ZYG11A: variants seen among roughly 807,000 people sequenced by gnomAD.
The protein encoded by ZYG11A is zyg-11 family member A, cell cycle regulator, also known as protein zyg-11 homolog A.
Under a neutral mutation model 77.2 loss-of-function variants are expected in ZYG11A, and 62 were observed. The observed-to-expected ratio is 0.80, with a 90% CI of 0.65 to 0.99. The LOEUF is 0.99. ZYG11A is among the 50% of genes least tolerant of loss of function. ZYG11A has a pLI of 0.00. For synonymous variants in ZYG11A, 315 were observed against 324.6 expected (o/e 0.97, Z 0.32); for missense variants, 828 against 896.8 (o/e 0.92, Z 0.98).
chr1:52,880,908 A>C (rs1007869610), intron 10 of ZYG11A, among the ~76,000 whole-genome samples: 1 of 152,212 alleles, frequency 6.6e-6, no homozygotes, highest in Non-Finnish European at 1.5e-5. Flanking sequence ...AGTCATGCTG[A>C]GACTCCTGCC....
intron 13 of ZYG11A, among the ~76,000 whole-genome samples, chr1:52,888,273 C>T (rs1646482678): frequency 6.6e-6 from 1 of 152,078 alleles, no homozygotes; most frequent in South Asian, 2.1e-4. Context: ...TAATATAATT[C>T]AACTGAATAG....
intron 5 of ZYG11A, among the ~76,000 whole-genome samples, chr1:52,865,672 C>T (rs1262445910): frequency 1.3e-5 from 2 of 151,852 alleles, no homozygotes; most frequent in African/African-American, 4.8e-5. Flanking sequence ...AGATGAAACT[C>T]AAAAATGTTA....
chr1:52,848,470 A>T (rs1008110349), intron 1 of ZYG11A, among the ~76,000 whole-genome samples: 5 of 152,054 alleles, frequency 3.3e-5, no homozygotes, highest in Non-Finnish European at 7.3e-5. Flanking sequence ...CAGTGGGTTT[A>T]TATCTTGCAT....
In ZYG11A at chr1:52,881,535, T is replaced by C; in HGVS notation, c.1814T>C (p.Ile605Thr). The change falls in exon 11 of 14, where the codon ATC (isoleucine) becomes ACC (threonine). Residue 605 changes from isoleucine to threonine, a missense_variant. Coordinates refer to ENST00000371528, the MANE Select transcript of ZYG11A (RefSeq NM_001004339.3). Reference sequence around the variant, plus strand: ...GTGACCGAAGATGTGCTGAAGCATATCAACAGTTTACTCTGTAGCAGGGAA... The same window carrying C: ...GTGACCGAAGATGTGCTGAAGCATACCAACAGTTTACTCTGTAGCAGGGAA... ...KLVTEDVLKH[I>T]NSLLCSREME... 6.4e-7 allele frequency: 1 copy of C among 1,551,904 alleles called. No homozygotes were observed. Among genetic ancestry groups the C allele is most frequent in the South Asian group, 1.2e-5 (1 of 84,046 alleles).
chr1:52,861,946 C>T lies in ZYG11A; in HGVS notation c.1149+1075C>T, dbSNP rs191422321. ...GCTTCTGGCTGGGCACCATGGCTCA[C>T]GCCTGTAATCCCAGCACTTTTTGGG... On this transcript the variant is annotated intron_variant, in intron 4 of 13. Transcript: ENST00000371528. Among the ~76,000 whole-genome samples, 3 of 152,068 alleles carry T rather than the reference C, an allele frequency of 2.0e-5. No homozygotes were observed. The East Asian group carries it at 5.9e-4, about 30-fold the overall frequency.
At position 52,871,621 on chromosome 1, in the gene ZYG11A, T is replaced by G. The variant is rs79548003; in HGVS notation, c.1542+3844T>G. On this transcript the variant is annotated intron_variant, in intron 8 of 13. Coordinates refer to ENST00000371528, the MANE Select transcript of ZYG11A (RefSeq NM_001004339.3). ...AAGCGTTTCTCCTGCCTCAGTCTCC[T>G]GAGTAGCTAACCACACCAGGATAAT... is the stretch of plus-strand genomic sequence containing the variant. Among the ~76,000 whole-genome samples, 175 of 151,878 alleles carry G rather than the reference T, an allele frequency of 1.2e-3. 2 individuals are homozygous for G. In the East Asian group the frequency reaches 0.032, roughly 28 times the overall value.
chr1:52,844,175 G>A (rs557888195), intron 1 of ZYG11A, among the ~76,000 whole-genome samples: 1 of 152,284 alleles, frequency 6.6e-6, no homozygotes, highest in African/African-American at 2.4e-5. Flanking sequence ...CCACCCTTGG[G>A]GAACTCGAGG....
intron 1 of ZYG11A, among the ~76,000 whole-genome samples, chr1:52,843,641 G>A (rs1645499134): frequency 6.6e-6 from 1 of 151,360 alleles, no homozygotes; most frequent in South Asian, 2.1e-4. Flanking sequence ...AAGAATGTGT[G>A]TTTAGCGCCT....
intron 11 of ZYG11A, among the ~76,000 whole-genome samples, chr1:52,883,287 C>T (rs1646391398): frequency 1.3e-5 from 2 of 151,156 alleles, no homozygotes; most frequent in East Asian, 2.0e-4. Flanking sequence ...TGTAAAAACA[C>T]AATAATTGTT....
chr1:52,854,836 C>A (rs191313652), intron 2 of ZYG11A, among the ~76,000 whole-genome samples: 2 of 151,788 alleles, frequency 1.3e-5, no homozygotes, highest in Non-Finnish European at 2.9e-5. Flanking sequence ...TCTTCACTTA[C>A]GTAAAGTTAT....
chr1:52,884,137 C>A (rs1646406796), intron 11 of ZYG11A, among the ~76,000 whole-genome samples: 1 of 151,820 alleles, frequency 6.6e-6, no homozygotes, highest in African/African-American at 2.4e-5. Flanking sequence ...ACCTCGGCCT[C>A]CCAAAGTGCT....
rs1366290619 is a variant in ZYG11A, at chr1:52,857,013, G to A, written c.272G>A (p.Arg91Lys). The A allele has an allele frequency of 1.3e-6, 2 of 1,540,386 alleles. No homozygotes were observed. The highest frequency in any genetic ancestry group is 1.8e-6 in the Non-Finnish European group (2 of 1,139,250). The change falls in exon 3 of 14, where the codon AGA becomes AAA. Residue 91 changes from arginine (R) to lysine (K), a missense_variant. Arg to Lys is a conservative substitution (Grantham distance 26). Transcript: ENST00000371528. ...VMTWQGKLTD[R>K]TASIFRGNQM... is the part of the protein sequence containing the mutation. Reference sequence around the variant, plus strand: ...TCTTTCATAGGCAAGCTGACTGACAGAACAGCCAGCATTTTCCGAGGCAAC... The same window carrying A: ...TCTTTCATAGGCAAGCTGACTGACAAAACAGCCAGCATTTTCCGAGGCAAC...
chr1:52,887,933 A>G (rs1646478248), intron 13 of ZYG11A, among the ~76,000 whole-genome samples: 1 of 152,154 alleles, frequency 6.6e-6, no homozygotes, highest in African/African-American at 2.4e-5. Flanking sequence ...ATTATAGGAG[A>G]TATAAGCTAT....
intron 13 of ZYG11A, among the ~76,000 whole-genome samples, 169 bp from the exon 14 acceptor site, chr1:52,892,613 C>T (rs1646564980): frequency 1.3e-5 from 2 of 152,092 alleles, no homozygotes. Flanking sequence ...CTCATACAAG[C>T]CAAGCAAGTT....
chr1:52,879,341 A>G (rs1646321397), intron 10 of ZYG11A, among the ~76,000 whole-genome samples: 2 of 152,236 alleles, frequency 1.3e-5, no homozygotes, highest in African/African-American at 2.4e-5. Flanking sequence ...GAGTGCTGCA[A>G]GAGAGGCACT....
intron 8 of ZYG11A, among the ~76,000 whole-genome samples, chr1:52,876,547 G>C (rs12094156): frequency 0.019 from 2,825 of 152,230 alleles, 60 homozygotes; most frequent in African/African-American, 0.063. Flanking sequence ...ATAGTGCACA[G>C]TTATTTTGAG....
chr1:52,858,644 C>T (rs1226354225), intron 3 of ZYG11A, among the ~76,000 whole-genome samples: 1 of 148,838 alleles, frequency 6.7e-6, no homozygotes, highest in Non-Finnish European at 1.5e-5. Context: ...CTGAGTTGTG[C>T]TCTTGTTGCC....
chr1:52,866,429 C>T, intron 5 of ZYG11A, 74 bp from the exon 6 acceptor site: 1 of 856,658 alleles, frequency 1.2e-6, no homozygotes, highest in Non-Finnish European at 1.8e-6. Flanking sequence ...AGTAATACTT[C>T]CAAATACATG....
At chr1:52,847,870 TTA>T (rs1645626409) in intron 1 of ZYG11A, among the ~76,000 whole-genome samples, 3 of 80,906 alleles carry the variant, frequency 3.7e-5, no homozygotes, top group African/African-American at 1.8e-4. Context: ...ATTTATTTAT[TTA>T]TTTATTTATT....
Sources: gnomAD v4.1 joint callset for allele counts (sites outside exome capture counted in the v4.1 genomes callset) on GRCh38, gnomAD v4.1.1 for gene constraint, MANE v1.5 for transcripts, NCBI Gene and HGNC (gene_info 2026-07-23, HGNC 2026-07-21) for gene names.